ALKBH5: variants seen among roughly 807,000 people sequenced by gnomAD.
ALKBH5 encodes alkB homolog 5, RNA demethylase.
Under a neutral mutation model 32.1 loss-of-function variants are expected in ALKBH5, and 2 were observed. The ratio of observed to expected loss-of-function variants is 0.06; its 90% CI spans 0.03 to 0.20. The LOEUF is 0.20. ALKBH5 is among the 10% of genes least tolerant of loss of function. The pLI, the probability that ALKBH5 is intolerant of heterozygous loss-of-function variation, is 1.00. For synonymous variants in ALKBH5, 300 were observed against 231.7 expected (o/e 1.29, Z -2.68); for missense variants, 352 against 559.5 (o/e 0.63, Z 3.74).
chr17:18,205,148 G>A (rs773388831), intron 2 of ALKBH5, among the ~76,000 whole-genome samples: 1 of 152,172 alleles, frequency 6.6e-6, no homozygotes, highest in Non-Finnish European at 1.5e-5. Flanking sequence ...CCTTGAAGGA[G>A]GCAACTTGCC....
At chr17:18,195,765 G>A (rs914279227) in intron 2 of ALKBH5, among the ~76,000 whole-genome samples, 20 of 152,172 alleles carry the variant, frequency 1.3e-4, no homozygotes, top group African/African-American at 3.9e-4. Flanking sequence ...AGCCTCCCCA[G>A]TAGCTGGGAA....
At chr17:18,185,072 G>C (rs898861458) in intron 1 of ALKBH5, 59 bp downstream of exon 1, 2 of 1,562,552 alleles carry the variant, frequency 1.3e-6, no homozygotes, top group African/African-American at 1.3e-5. Flanking sequence ...ACCCACCCTG[G>C]CCCAGAAAGC....
chr17:18,200,158 A>G (rs998872434), intron 2 of ALKBH5, among the ~76,000 whole-genome samples: 1 of 151,264 alleles, frequency 6.6e-6, no homozygotes, highest in Admixed American at 6.6e-5. Context: ...GAGGAAGGGT[A>G]AAGGTGAGCT....
At chr17:18,187,598 C>A (rs1482385336) in intron 1 of ALKBH5, among the ~76,000 whole-genome samples, 1 of 152,184 alleles carries the variant, frequency 6.6e-6, no homozygotes, top group Admixed American at 6.5e-5. Flanking sequence ...AGTTGAGAGT[C>A]ACTGCTCTAG....
chr17:18,200,949 G>T (rs2047233011), intron 2 of ALKBH5, among the ~76,000 whole-genome samples: 1 of 152,208 alleles, frequency 6.6e-6, no homozygotes. Context: ...GTGGGGTGAG[G>T]GATTTGCATG....
intron 1 of ALKBH5, among the ~76,000 whole-genome samples, chr17:18,186,948 C>CT (rs1230648934): frequency 6.6e-6 from 1 of 152,114 alleles, no homozygotes; most frequent in African/African-American, 2.4e-5. Flanking sequence ...GATTTGTTGT[C>CT]TAAGATAGGG....
At position 18,208,113 on chromosome 17, in the gene ALKBH5, C is replaced by A. The variant is rs989273808; in HGVS notation, c.1008-106C>A. 12 of 1,238,570 alleles carry A rather than the reference C, an allele frequency of 9.7e-6. No individual in the cohort carries two copies. The East Asian group carries it at 2.6e-4, about 27-fold the overall frequency. The allele number at this position is 1,238,570 out of a possible 1,614,324, so 76.7% of individuals were successfully genotyped here. A position where few individuals can be genotyped will look rare whatever the true frequency, so the allele number is the denominator to read the frequency against. ...GCCAGGACTACCCTTCGTTGAGGAC[C>A]ACTGAGCTGAAGTGACCCATCCCAA... On this transcript the variant is annotated intron_variant, in intron 3 of 3. Transcript: ENST00000399138.
In ALKBH5 at chr17:18,183,978, G is replaced by A. The variant is rs1360614682; in HGVS notation, c.-266G>A. ...CCGCAGCAGCCCTCCGCGGCATGAG[G>A]CGCTGCCGGCGCCCCTGCCCCGCGG... On this transcript the variant is annotated 5_prime_UTR_variant, in exon 1 of 4. Transcript: ENST00000399138. The A allele has an allele frequency of 1.6e-6, 1 of 636,898 alleles. No individual in the cohort carries two copies. The allele number at this position is 636,898 out of a possible 1,614,324, so 39.5% of individuals were successfully genotyped here.
At chr17:18,186,958 G>A (rs1201626317) in intron 1 of ALKBH5, among the ~76,000 whole-genome samples, 1 of 152,110 alleles carries the variant, frequency 6.6e-6, no homozygotes, top group East Asian at 1.9e-4. Context: ...CTAAGATAGG[G>A]CCTGGCACAG....
Position 18,184,828 on chromosome 17 carries a change from C to T in ALKBH5, c.585C>T (p.Tyr195=). 3 of 1,614,188 alleles carry T rather than the reference C, an allele frequency of 1.9e-6. No homozygotes were observed. The highest frequency in any genetic ancestry group is 1.6e-4 in the Middle Eastern group (1 of 6,062). The change falls in exon 1 of 4, where the codon TAC becomes TAT. Residue 195 remains tyrosine, a synonymous_variant. Transcript: ENST00000399138. ...TCAACAGCGCCGTCATCAACGACTA[C>T]CAGCCCGGCGGCTGCATCGTGTCTC... ...GFVNSAVIND[Y]QPGGCIVSHV...
At chr17:18,190,288 G>C (rs962106581) in intron 1 of ALKBH5, among the ~76,000 whole-genome samples, 2 of 152,188 alleles carry the variant, frequency 1.3e-5, no homozygotes, top group Non-Finnish European at 2.9e-5. Context: ...GGTGGCTCAT[G>C]CCTGTAATCC....
intron 2 of ALKBH5, among the ~76,000 whole-genome samples, chr17:18,203,872 TTGG>T (rs1049677756): frequency 4.6e-5 from 7 of 152,208 alleles, no homozygotes; most frequent in Non-Finnish European, 1.0e-4. Flanking sequence ...AGCTCTCATC[TTGG>T]TGGCTCTGCT....
chr17:18,184,552 C>T lies in ALKBH5; in HGVS notation c.309C>T (p.Ile103=). 1.9e-6 allele frequency: 3 copies of T among 1,613,328 alleles called. No individual in the cohort carries two copies. Among genetic ancestry groups the T allele is most frequent in the Non-Finnish European group, 2.5e-6 (3 of 1,180,010 alleles). Residue 103 remains isoleucine (I), a synonymous_variant, in exon 1 of 4, where the codon ATC becomes ATT. Coordinates refer to ENST00000399138, the MANE Select transcript of ALKBH5 (RefSeq NM_017758.4). ...TCAGCCAGGACGAGTGCGCCAAGAT[C>T]GAGGCCCGCATTGACGAGGTGGTGT... ...RLFSQDECAK[I]EARIDEVVSR... is the part of the protein sequence containing the mutation.
At chr17:18,199,921 G>T (rs984299321) in intron 2 of ALKBH5, among the ~76,000 whole-genome samples, 1 of 151,850 alleles carries the variant, frequency 6.6e-6, no homozygotes, top group Non-Finnish European at 1.5e-5. Flanking sequence ...CCTGACTAAC[G>T]TGATGAAAAT....
At chr17:18,194,208 A>T (rs1398950040) in intron 1 of ALKBH5, among the ~76,000 whole-genome samples, 2 of 151,888 alleles carry the variant, frequency 1.3e-5, no homozygotes, top group African/African-American at 4.8e-5. Context: ...GCCCAGGTGC[A>T]GTGGGCGTGA....
At chr17:18,206,000 T>C (rs2047266959) in intron 2 of ALKBH5, among the ~76,000 whole-genome samples, 1 of 152,180 alleles carries the variant, frequency 6.6e-6, no homozygotes, top group Non-Finnish European at 1.5e-5. Flanking sequence ...GCCTTCTCTG[T>C]ACCACACAAG....
chr17:18,208,936 T>C lies in ALKBH5; in HGVS notation c.*540T>C, dbSNP rs993066374. ...TGCAAGCTCATGCAAACACCCTTTC[T>C]TCCTCCTGCGGCAGAGTTGTTCAGG... On this transcript the variant is annotated 3_prime_UTR_variant, in exon 4 of 4. Transcript: ENST00000399138. 4.8e-6 allele frequency: 1 copy of C among 206,316 alleles called. No homozygotes were observed. Among genetic ancestry groups the C allele is most frequent in the African/African-American group, 2.4e-5 (1 of 41,852 alleles). The allele number at this position is 206,316 out of a possible 1,614,324, so 12.8% of individuals were successfully genotyped here.
intron 2 of ALKBH5, among the ~76,000 whole-genome samples, chr17:18,203,503 G>T (rs2047253446): frequency 6.6e-6 from 1 of 152,156 alleles, no homozygotes; most frequent in South Asian, 2.1e-4. Flanking sequence ...CATGCCCGAG[G>T]TCACATGCCC....
At chr17:18,207,580 G>A (rs190393073) in intron 3 of ALKBH5, among the ~76,000 whole-genome samples, 146 of 152,012 alleles carry the variant, frequency 9.6e-4, no homozygotes, top group African/African-American at 3.3e-3. Context: ...GGAGAATGGC[G>A]TGAACCTGGG....
Sources: allele counts gnomAD v4.1 joint callset (sites outside exome capture counted in the v4.1 genomes callset), GRCh38; gene constraint gnomAD v4.1.1; transcripts MANE v1.5; gene names NCBI Gene and HGNC (gene_info 2026-07-23, HGNC 2026-07-21).